FOXP1: variants seen among roughly 807,000 people sequenced by gnomAD.
FOXP1 encodes forkhead box protein P1.
In FOXP1, 15 loss-of-function variants were observed where a neutral mutation model predicts 98.2. That is an observed-to-expected ratio of 0.15 (90% confidence interval 0.10 to 0.24). The LOEUF (loss-of-function observed/expected upper bound fraction) is 0.24, where lower values mean the gene tolerates loss of function less well. Among genes scored for constraint, FOXP1 ranks in the 10% least tolerant of loss-of-function variants. FOXP1 has a pLI of 1.00. For missense variants in FOXP1, 633 were observed against 848.5 expected, an observed-to-expected ratio of 0.75 and a Z score of 3.15; for synonymous variants, 371 against 314.5, an observed-to-expected ratio of 1.18 and a Z score of -1.90.
At chr3:71,311,897 T>A (rs1025770062) in intron 4 of FOXP1, among the ~76,000 whole-genome samples, 4 of 152,160 alleles carry the variant, frequency 2.6e-5, no homozygotes, top group African/African-American at 7.2e-5. Flanking sequence ...TTCCCTGATA[T>A]CTGCAGATCC....
intron 14 of FOXP1, 36 bp downstream of exon 14, chr3:70,987,958 T>A: frequency 6.3e-7 from 1 of 1,593,720 alleles, no homozygotes; most frequent in South Asian, 1.1e-5. Flanking sequence ...TACTGTGAGT[T>A]TTGTTTTTTT....
At chr3:71,198,432 G>GGGA in intron 5 of FOXP1, 40 bp from the exon 6 acceptor site, 3 of 491,024 alleles carry the variant, frequency 6.1e-6, no homozygotes, top group East Asian at 5.7e-5. Flanking sequence ...GGGAGGGGGG[G>GGGA]AGAAAAAAAA....
intron 7 of FOXP1, among the ~76,000 whole-genome samples, chr3:71,062,656 T>A (rs1169251211): frequency 6.6e-6 from 1 of 152,234 alleles, no homozygotes; most frequent in Non-Finnish European, 1.5e-5. Flanking sequence ...AAGCCTACCT[T>A]ACCTAAATTA....
chr3:71,018,193 G>A (rs1478723631), intron 11 of FOXP1, among the ~76,000 whole-genome samples: 2 of 152,106 alleles, frequency 1.3e-5, no homozygotes, highest in Non-Finnish European at 2.9e-5. Context: ...GACTTGTGAA[G>A]GATCCAAGAT....
chr3:71,241,075 TGGC>T (rs1392484219), intron 5 of FOXP1, among the ~76,000 whole-genome samples: 3 of 151,304 alleles, frequency 2.0e-5, no homozygotes, highest in African/African-American at 7.3e-5. Context: ...CCGGGCATGG[TGGC>T]GGGTGCCTGT....
chr3:71,553,847 T>C (rs1462581329), intron 2 of FOXP1, among the ~76,000 whole-genome samples: 1 of 152,226 alleles, frequency 6.6e-6, no homozygotes, highest in African/African-American at 2.4e-5. Flanking sequence ...AACAGAAACT[T>C]TGTAGTTTGG....
At chr3:71,161,275 T>A (rs2061120508) in intron 6 of FOXP1, among the ~76,000 whole-genome samples, 1 of 152,200 alleles carries the variant, frequency 6.6e-6, no homozygotes, top group African/African-American at 2.4e-5. Context: ...GCTAGGCGAT[T>A]CTTTGGTTGG....
intron 13 of FOXP1, among the ~76,000 whole-genome samples, chr3:70,999,015 A>G (rs918961020): frequency 6.6e-6 from 1 of 152,256 alleles, no homozygotes; most frequent in Non-Finnish European, 1.5e-5. Flanking sequence ...ATGTTATCAT[A>G]TAAATAAATG....
intron 2 of FOXP1, among the ~76,000 whole-genome samples, chr3:71,510,863 A>G (rs759734394): frequency 6.6e-6 from 1 of 152,236 alleles, no homozygotes; most frequent in Non-Finnish European, 1.5e-5. Flanking sequence ...CCTCATTAAA[A>G]CAATTTTTTT....
chr3:71,057,364 A>C (rs1312224893), intron 7 of FOXP1, among the ~76,000 whole-genome samples: 1 of 117,450 alleles, frequency 8.5e-6, no homozygotes, highest in Non-Finnish European at 1.6e-5. Flanking sequence ...TCCTTGAGAT[A>C]ACAACATTCA....
Position 70,957,104 on chromosome 3 carries a change from C to T in FOXP1, c.*2143G>A, listed in dbSNP as rs1233787331. 9.0e-6 allele frequency: 2 copies of T among 221,324 alleles called. No homozygotes were observed. Among genetic ancestry groups the T allele is most frequent in the African/African-American group, 4.5e-5 (2 of 44,688 alleles). 13.7% of individuals were successfully genotyped at this position (221,324 alleles called of 1,614,324 possible). A position where few individuals can be genotyped will look rare whatever the true frequency, so the allele number is the denominator to read the frequency against. On this transcript the variant is annotated 3_prime_UTR_variant, in exon 21 of 21. Transcript: ENST00000649528. ...AATTATGGAAGCTTTTCTGTCCTGA[C>T]TCTAAACTGTCTCCTTTATTGGATA...
At chr3:71,581,521 C>A in intron 2 of FOXP1, 28 bp downstream of exon 2, 5 of 985,468 alleles carry the variant, frequency 5.1e-6, no homozygotes, top group Non-Finnish European at 4.8e-6. Flanking sequence ...TGTCCCTGGA[C>A]CCCGCGCCCG....
chr3:71,409,400 G>A (rs1056594119), intron 3 of FOXP1, among the ~76,000 whole-genome samples: 4 of 152,140 alleles, frequency 2.6e-5, no homozygotes, highest in South Asian at 4.1e-4. Flanking sequence ...AACCAGCACT[G>A]AGATATTTAC....
chr3:71,083,295 C>G (rs1442623969), intron 7 of FOXP1, among the ~76,000 whole-genome samples: 2 of 152,154 alleles, frequency 1.3e-5, no homozygotes, highest in Admixed American at 1.3e-4. Flanking sequence ...TGCTGGCTCC[C>G]CTTCTGCCTT....
At chr3:70,971,111 T>TC in intron 18 of FOXP1, 1 of 384,074 alleles carries the variant, frequency 2.6e-6, no homozygotes, top group South Asian at 2.2e-5. Context: ...GACTCCAGAC[T>TC]CCAACAGAAA....
chr3:71,186,869 A>AAC (rs2062679340), intron 6 of FOXP1, among the ~76,000 whole-genome samples: 1 of 152,254 alleles, frequency 6.6e-6, no homozygotes. Context: ...CCATTCATTA[A>AAC]TCCAGAGATT....
chr3:71,484,636 G>T (rs975432604), intron 3 of FOXP1, among the ~76,000 whole-genome samples: 8 of 152,186 alleles, frequency 5.3e-5, no homozygotes, highest in Non-Finnish European at 8.8e-5. Context: ...CTGAGGCTTG[G>T]AAGGAGTTGT....
chr3:71,304,654 C>CTTA (rs1233558646), intron 4 of FOXP1: 2 of 152,098 alleles, frequency 1.3e-5, no homozygotes, highest in Non-Finnish European at 2.9e-5. Flanking sequence ...CCCTTAAAAA[C>CTTA]CAAGTATAAA....
chr3:71,485,696 G>A (rs1327728963), intron 3 of FOXP1, among the ~76,000 whole-genome samples: 6 of 151,636 alleles, frequency 4.0e-5, no homozygotes, highest in Admixed American at 2.0e-4. Flanking sequence ...TTGAACCTGG[G>A]AGGCAGAGGT....
Sources: gnomAD v4.1 joint callset for allele counts (sites outside exome capture counted in the v4.1 genomes callset) on GRCh38, gnomAD v4.1.1 for gene constraint, MANE v1.5 for transcripts, NCBI Gene and HGNC (gene_info 2026-07-23, HGNC 2026-07-21) for gene names.